NUBPL: variants seen among roughly 807,000 people sequenced by gnomAD.
NUBPL encodes the protein NUBP iron-sulfur cluster assembly factor, mitochondrial.
Under a neutral mutation model 45.7 loss-of-function variants are expected in NUBPL, and 31 were observed. The observed-to-expected ratio is 0.68, with a 90% confidence interval of 0.51 to 0.92. NUBPL has a LOEUF of 0.92. Among genes scored for constraint, NUBPL ranks in the 40% least tolerant of loss-of-function variants. The pLI is 0.00. For missense variants in NUBPL, 401 were observed against 398.7 expected (o/e 1.01, Z -0.05); for synonymous variants, 144 against 140.9 (o/e 1.02, Z -0.15).
intron 4 of NUBPL, among the ~76,000 whole-genome samples, chr14:31,669,092 G>C (rs940052689): frequency 1.3e-5 from 2 of 151,966 alleles, no homozygotes; most frequent in Non-Finnish European, 2.9e-5. Flanking sequence ...CAAACTCCTG[G>C]GCTCAATTGA....
intron 10 of NUBPL, among the ~76,000 whole-genome samples, chr14:31,851,713 CA>C (rs1197997986): frequency 6.6e-6 from 1 of 151,196 alleles, no homozygotes; most frequent in African/African-American, 2.5e-5. Flanking sequence ...GTACTTTATG[CA>C]ATATATGAAA....
intron 1 of NUBPL, 124 bp from the exon 2 acceptor site, chr14:31,561,944 A>G: frequency 2.2e-6 from 2 of 905,290 alleles, no homozygotes; most frequent in Non-Finnish European, 3.5e-6. Flanking sequence ...CTCCATAGTG[A>G]AGATGAGCAG....
chr14:31,731,968 C>T (rs1016007468), intron 6 of NUBPL, among the ~76,000 whole-genome samples: 5 of 151,652 alleles, frequency 3.3e-5, no homozygotes, highest in South Asian at 2.1e-4. Context: ...TTTGAGAGGC[C>T]GAGGCGGGCG....
intron 7 of NUBPL, among the ~76,000 whole-genome samples, chr14:31,790,980 G>A (rs2039371234): frequency 1.3e-5 from 2 of 151,528 alleles, no homozygotes; most frequent in South Asian, 4.2e-4. Flanking sequence ...TTGAAAGATT[G>A]CATTAATGCC....
intron 6 of NUBPL, among the ~76,000 whole-genome samples, chr14:31,736,074 T>G (rs2038159618): frequency 6.6e-6 from 1 of 152,108 alleles, no homozygotes. Flanking sequence ...AGAAATACAG[T>G]GGGGTTTTCT....
At chr14:31,797,615 A>T in intron 7 of NUBPL, among the ~76,000 whole-genome samples, 1 of 72,872 alleles carries the variant, frequency 1.4e-5, no homozygotes, top group South Asian at 6.3e-4. Context: ...TTTTATTTTG[A>T]GCCTATGTGT....
intron 6 of NUBPL, among the ~76,000 whole-genome samples, chr14:31,674,785 G>C (rs2036653362): frequency 1.3e-5 from 2 of 152,108 alleles, no homozygotes; most frequent in African/African-American, 4.8e-5. Context: ...TAGTCTAGCA[G>C]AGGTCCAAAT....
At chr14:31,677,975 G>A (rs181997198) in intron 6 of NUBPL, among the ~76,000 whole-genome samples, 1 of 152,330 alleles carries the variant, frequency 6.6e-6, no homozygotes, top group East Asian at 1.9e-4. Context: ...AGTCTACCTG[G>A]TGTTCTGTTA....
At chr14:31,759,125 A>G (rs1394289874) in intron 6 of NUBPL, among the ~76,000 whole-genome samples, 1 of 152,218 alleles carries the variant, frequency 6.6e-6, no homozygotes, top group Non-Finnish European at 1.5e-5. Flanking sequence ...CTATAGATCT[A>G]GAAAATTCTT....
At chr14:31,573,776 C>T (rs1166473904) in intron 3 of NUBPL, among the ~76,000 whole-genome samples, 1 of 152,282 alleles carries the variant, frequency 6.6e-6, no homozygotes, top group East Asian at 1.9e-4. Flanking sequence ...TCTATTTTCT[C>T]TGCTATGGTG....
intron 7 of NUBPL, among the ~76,000 whole-genome samples, chr14:31,793,498 A>G (rs1001067732): frequency 1.3e-5 from 2 of 152,080 alleles, no homozygotes; most frequent in Non-Finnish European, 2.9e-5. Context: ...CTGCATACCT[A>G]TGTTATCTTC....
chr14:31,691,899 A>C (rs370414957), intron 6 of NUBPL, among the ~76,000 whole-genome samples: 35 of 152,304 alleles, frequency 2.3e-4, no homozygotes, highest in African/African-American at 7.9e-4. Context: ...ACTGTTTGGT[A>C]ATCTGCATAA....
At chr14:31,741,064 A>T (rs1013063380) in intron 6 of NUBPL, among the ~76,000 whole-genome samples, 1 of 152,212 alleles carries the variant, frequency 6.6e-6, no homozygotes, top group Non-Finnish European at 1.5e-5. Context: ...CAGTTTAAAA[A>T]AATGTCTGGT....
intron 6 of NUBPL, among the ~76,000 whole-genome samples, chr14:31,677,066 G>T (rs974536939): frequency 1.3e-5 from 2 of 151,600 alleles, no homozygotes; most frequent in Admixed American, 6.6e-5. Context: ...GTATATAGTA[G>T]ATTAGTATAT....
At chr14:31,734,794 G>T (rs2038129843) in intron 6 of NUBPL, among the ~76,000 whole-genome samples, 5 of 152,084 alleles carry the variant, frequency 3.3e-5, no homozygotes, top group Admixed American at 6.6e-5. Flanking sequence ...CACAGATAAG[G>T]TTCCAGTAAT....
rs542964066 is a variant in NUBPL at position 31,584,336 on chromosome 14, G to T, written c.292-14953G>T. Reference sequence around the variant, plus strand: ...GATGGGTTCTTATTATATTGCCAAGGCTGGTCTTTAACTCTTGGGCTCAAG... The same window carrying T: ...GATGGGTTCTTATTATATTGCCAAGTCTGGTCTTTAACTCTTGGGCTCAAG... On this transcript the variant is annotated intron_variant, in intron 3 of 10. Coordinates refer to ENST00000281081, the MANE Select transcript of NUBPL (RefSeq NM_025152.3). Among the ~76,000 whole-genome samples the T allele has an allele frequency of 1.0e-3, 155 of 152,198 alleles. 1 individual carries two copies. The highest frequency in any genetic ancestry group is 3.6e-3 in the African/African-American group (149 of 41,512).
intron 3 of NUBPL, among the ~76,000 whole-genome samples, chr14:31,598,989 A>G (rs2034353016): frequency 6.6e-6 from 1 of 152,196 alleles, no homozygotes; most frequent in Non-Finnish European, 1.5e-5. Context: ...AAAAGGTCTT[A>G]GTCTGCTTGA....
chr14:31,646,233 C>G (rs912724842), intron 4 of NUBPL, among the ~76,000 whole-genome samples: 3 of 152,068 alleles, frequency 2.0e-5, no homozygotes, highest in African/African-American at 7.2e-5. Context: ...ACTGCCCACG[C>G]TAGAGTGCAG....
intron 6 of NUBPL, among the ~76,000 whole-genome samples, chr14:31,757,270 G>A (rs2038689446): frequency 6.8e-6 from 1 of 147,908 alleles, no homozygotes; most frequent in Non-Finnish European, 1.5e-5. Flanking sequence ...AGTTTCAGAA[G>A]GAATGGTACC....
Sources: allele counts gnomAD v4.1 joint callset (sites outside exome capture counted in the v4.1 genomes callset), GRCh38; gene constraint gnomAD v4.1.1; transcripts MANE v1.5; gene names NCBI Gene and HGNC (gene_info 2026-07-23, HGNC 2026-07-21).